CA10: variants seen among roughly 807,000 people sequenced by gnomAD.
CA10 encodes the protein carbonic anhydrase 10 (inactive).
CA10 carries 14 observed loss-of-function variants against 44.2 expected under a neutral mutation model. The observed-to-expected ratio is 0.32, with a 90% CI of 0.21 to 0.50. The LOEUF (loss-of-function observed/expected upper bound fraction) is 0.50. CA10 is among the 20% of genes least tolerant of loss of function. The probability of loss-of-function intolerance (pLI) is 0.99; values close to 1 mark genes in which losing one functional copy is unlikely to be tolerated. For missense variants in CA10, 350 were observed against 409.7 expected, an observed-to-expected ratio of 0.85 and a Z score of 1.26; for synonymous variants, 159 against 141.6, an observed-to-expected ratio of 1.12 and a Z score of -0.87.
chr17:52,003,227 G>A (rs1454268288), intron 2 of CA10, among the ~76,000 whole-genome samples: 1 of 151,858 alleles, frequency 6.6e-6, no homozygotes, highest in Non-Finnish European at 1.5e-5. Flanking sequence ...CATTTTTCAA[G>A]TCAAACTTGA....
chr17:52,036,590 T>A (rs138159905), intron 2 of CA10, among the ~76,000 whole-genome samples: 1 of 152,116 alleles, frequency 6.6e-6, no homozygotes. Context: ...GAACAGATTG[T>A]GTAAGGCATA....
At chr17:51,757,077 G>T (rs1441033474) in intron 3 of CA10, among the ~76,000 whole-genome samples, 1 of 152,166 alleles carries the variant, frequency 6.6e-6, no homozygotes, top group African/African-American at 2.4e-5. Context: ...GAAGTTTCCT[G>T]TTATATGTCT....
At chr17:52,016,420 G>C (rs1782845182) in intron 2 of CA10, among the ~76,000 whole-genome samples, 1 of 152,084 alleles carries the variant, frequency 6.6e-6, no homozygotes, top group Non-Finnish European at 1.5e-5. Flanking sequence ...TGTATTCATT[G>C]CATTGATTGC....
At chr17:51,978,651 T>G in intron 2 of CA10, among the ~76,000 whole-genome samples, 1 of 152,114 alleles carries the variant, frequency 6.6e-6, no homozygotes, top group East Asian at 1.9e-4. Context: ...CAGAACACAA[T>G]AGGCATTAAC....
chr17:52,029,907 T>C (rs1439449404), intron 2 of CA10, among the ~76,000 whole-genome samples: 1 of 152,234 alleles, frequency 6.6e-6, no homozygotes, highest in Non-Finnish European at 1.5e-5. Context: ...ATAATACATA[T>C]GTATACATCT....
intron 3 of CA10, among the ~76,000 whole-genome samples, chr17:51,876,877 A>G (rs1393771609): frequency 6.6e-6 from 1 of 152,150 alleles, no homozygotes; most frequent in Non-Finnish European, 1.5e-5. Flanking sequence ...TATCTTTGTG[A>G]GTACTTGATA....
At chr17:51,756,472 GT>G (rs11452726) in intron 3 of CA10, among the ~76,000 whole-genome samples, 22,007 of 132,078 alleles carry the variant, frequency 0.17, 1,746 homozygotes, top group Admixed American at 0.25. Context: ...TGAGGTAGTT[GT>G]TTTTTTTTTT....
At position 52,113,984 on chromosome 17, in the gene CA10, T is replaced by A. The variant is rs377343610; in HGVS notation, c.62-41591A>T. Among the ~76,000 whole-genome samples the A allele has an allele frequency of 4.8e-4, 73 of 152,316 alleles. 2 individuals carry two copies. The highest frequency in any genetic ancestry group is 1.7e-3 in the African/African-American group (70 of 41,566). On this transcript the variant is annotated intron_variant, in intron 1 of 8. Transcript: ENST00000451037. The stretch of plus-strand genomic sequence containing the variant: ...CTGTAGCAAAAACAGGAGGATGGGA[T>A]GGGGTCCTGAACAGCATCAAAAGGC...
At chr17:52,024,774 A>G (rs776598406) in intron 2 of CA10, among the ~76,000 whole-genome samples, 18 of 152,128 alleles carry the variant, frequency 1.2e-4, no homozygotes, top group Non-Finnish European at 2.2e-4. Context: ...ACTGTAAATA[A>G]TAAATATGCA....
intron 3 of CA10, among the ~76,000 whole-genome samples, chr17:51,795,780 C>T (rs1165249251): frequency 6.6e-6 from 1 of 152,220 alleles, no homozygotes; most frequent in Non-Finnish European, 1.5e-5. Context: ...CCTTCATCCT[C>T]ACTCGTGGTG....
At chr17:52,023,881 C>A (rs1986220423) in intron 2 of CA10, among the ~76,000 whole-genome samples, 1 of 151,894 alleles carries the variant, frequency 6.6e-6, no homozygotes. Context: ...TCTCTTTTTT[C>A]TTCTGTCTAT....
At chr17:51,698,479 CTTT>C (rs1395649402) in intron 4 of CA10, among the ~76,000 whole-genome samples, 4 of 152,160 alleles carry the variant, frequency 2.6e-5, no homozygotes, top group Non-Finnish European at 5.9e-5. Context: ...TACAGAATGA[CTTT>C]TTAATATTTG....
chr17:51,749,475 C>T (rs1294612812), intron 3 of CA10, among the ~76,000 whole-genome samples: 1 of 152,212 alleles, frequency 6.6e-6, no homozygotes, highest in Non-Finnish European at 1.5e-5. Flanking sequence ...TCTAGACGGG[C>T]TACTCTGTGG....
intron 2 of CA10, among the ~76,000 whole-genome samples, chr17:52,042,296 T>G (rs1986792478): frequency 6.6e-6 from 1 of 152,040 alleles, no homozygotes; most frequent in Non-Finnish European, 1.5e-5. Flanking sequence ...TCCTAACAGG[T>G]ATGAAGTGAT....
rs111834892 is a variant in CA10, at chr17:51,668,470, A to C, written c.466-14734T>G. Among the ~76,000 whole-genome samples the C allele has an allele frequency of 3.0e-3, 458 of 152,322 alleles. 2 individuals are homozygous for C. The highest frequency in any genetic ancestry group is 0.011 in the African/African-American group (437 of 41,570). On this transcript the variant is annotated intron_variant, in intron 4 of 8. Transcript: ENST00000451037. The stretch of plus-strand genomic sequence containing the variant: ...GTCTTTCAGACAGGAGGAGCTGAGG[A>C]CCCAAAGTCACTCGGTTGTTTATCA...
At chr17:51,853,973 T>C (rs1978922699) in intron 3 of CA10, among the ~76,000 whole-genome samples, 1 of 152,188 alleles carries the variant, frequency 6.6e-6, no homozygotes. Flanking sequence ...TTTATAGCAG[T>C]GTGAAAACGA....
chr17:52,011,058 G>A (rs1985779074), intron 2 of CA10, among the ~76,000 whole-genome samples: 2 of 151,788 alleles, frequency 1.3e-5, no homozygotes, highest in African/African-American at 4.8e-5. Flanking sequence ...CCAACCTGGG[G>A]AAGTTACTTA....
chr17:52,069,126 C>T (rs1987613229), intron 2 of CA10, among the ~76,000 whole-genome samples: 1 of 152,178 alleles, frequency 6.6e-6, no homozygotes, highest in African/African-American at 2.4e-5. Context: ...TACAGATAAT[C>T]TGCTTTACTC....
rs77354390 is a variant in CA10 at position 51,669,159 on chromosome 17, G to A, written c.466-15423C>T. 7.7e-3 allele frequency among the ~76,000 whole-genome samples: 1,174 copies of A among 152,336 alleles called. 15 individuals carry two copies. The highest frequency in any genetic ancestry group is 0.027 in the African/African-American group (1,131 of 41,592). ...CGCGGGACCAGATGGCAGCTCTGCCGGGCGGCCCAGTGTGGGATCCACTAG... is the reference window on the plus strand; with the variant it reads ...CGCGGGACCAGATGGCAGCTCTGCCAGGCGGCCCAGTGTGGGATCCACTAG... On this transcript the variant is annotated intron_variant, in intron 4 of 8. Coordinates refer to ENST00000451037, the MANE Select transcript of CA10 (RefSeq NM_020178.5).
Sources: gnomAD v4.1 joint callset for allele counts (sites outside exome capture counted in the v4.1 genomes callset) on GRCh38, gnomAD v4.1.1 for gene constraint, MANE v1.5 for transcripts, NCBI Gene and HGNC (gene_info 2026-07-23, HGNC 2026-07-21) for gene names.